ZFHX3: variants seen among roughly 807,000 people sequenced by gnomAD.
The protein encoded by ZFHX3 is zinc finger homeobox protein 3.
A neutral mutation model predicts 279.1 loss-of-function variants in ZFHX3; 42 were observed. That is an observed-to-expected ratio of 0.15 (90% confidence interval 0.12 to 0.19). The LOEUF (loss-of-function observed/expected upper bound fraction) is 0.19. ZFHX3 is among the 10% of genes least tolerant of loss of function. The pLI is 1.00. For synonymous variants in ZFHX3, 2,293 were observed against 1,957.8 expected (o/e 1.17, Z -4.52); for missense variants, 4,981 against 4,754.0 (o/e 1.05, Z -1.40).
chr16:73,867,282 T>A (rs1232556552), intron 1 of ZFHX3, among the ~76,000 whole-genome samples: 1 of 152,122 alleles, frequency 6.6e-6, no homozygotes, highest in Non-Finnish European at 1.5e-5. Context: ...TTTCATGAGC[T>A]CCATCTCACA....
intron 1 of ZFHX3, among the ~76,000 whole-genome samples, chr16:72,972,063 T>C (rs1025045485): frequency 1.3e-5 from 2 of 151,926 alleles, no homozygotes; most frequent in South Asian, 4.2e-4. Flanking sequence ...GGCTAATTTT[T>C]TGTAGTTTTA....
intron 1 of ZFHX3, among the ~76,000 whole-genome samples, chr16:73,883,847 G>C (rs1354471656): frequency 6.6e-6 from 1 of 152,088 alleles, no homozygotes; most frequent in East Asian, 1.9e-4. Flanking sequence ...GTCTCCATAA[G>C]TGAGTAGGAC....
intron 7 of ZFHX3, chr16:72,807,986 TGATTA>T (rs1273828712): frequency 6.6e-6 from 1 of 152,170 alleles, no homozygotes; most frequent in East Asian, 1.9e-4. Flanking sequence ...AATGGAGCCC[TGATTA>T]GAGGGGCATT....
intron 5 of ZFHX3, among the ~76,000 whole-genome samples, chr16:73,187,978 T>C (rs1226221349): frequency 8.6e-5 from 13 of 151,942 alleles, no homozygotes; most frequent in Admixed American, 7.9e-4. Context: ...CCTGCCTTAG[T>C]TTCCCAAGTA....
intron 2 of ZFHX3, among the ~76,000 whole-genome samples, chr16:73,490,781 G>A (rs77426758): frequency 0.017 from 2,648 of 152,264 alleles, 83 homozygotes; most frequent in African/African-American, 0.061. Context: ...ATGCTACAGT[G>A]AGCCCTGATA....
At chr16:72,874,280 C>T (rs981640667) in intron 4 of ZFHX3, among the ~76,000 whole-genome samples, 17 of 145,720 alleles carry the variant, frequency 1.2e-4, no homozygotes, top group African/African-American at 2.1e-4. Context: ...AATCTCGGCT[C>T]GCTGCAAACT....
chr16:73,571,622 G>A (rs1469534141), intron 2 of ZFHX3, among the ~76,000 whole-genome samples: 2 of 139,472 alleles, frequency 1.4e-5, no homozygotes, highest in African/African-American at 2.8e-5. Context: ...ATTTAGGTCA[G>A]TATTAAAATA....
intron 3 of ZFHX3, among the ~76,000 whole-genome samples, chr16:72,932,534 C>T (rs1171820713): frequency 6.6e-6 from 1 of 151,856 alleles, no homozygotes; most frequent in East Asian, 1.9e-4. Flanking sequence ...ATCCAAGCTC[C>T]ACCTCCTTCA....
chr16:73,152,833 A>C (rs1966976892), intron 5 of ZFHX3, among the ~76,000 whole-genome samples: 3 of 142,344 alleles, frequency 2.1e-5, no homozygotes, highest in Admixed American at 7.0e-5. Context: ...GGGGGAAGGG[A>C]GGGGAGTAAT....
intron 5 of ZFHX3, among the ~76,000 whole-genome samples, chr16:73,221,516 C>G (rs2012419699): frequency 6.6e-6 from 1 of 151,996 alleles, no homozygotes; most frequent in African/African-American, 2.4e-5. Flanking sequence ...GTGTACACAG[C>G]TCAGGTAATG....
At chr16:73,413,300 A>G (rs2017506432) in intron 3 of ZFHX3, among the ~76,000 whole-genome samples, 1 of 152,252 alleles carries the variant, frequency 6.6e-6, no homozygotes, top group Non-Finnish European at 1.5e-5. Context: ...AGAAAGTTCA[A>G]AGGAAACTTG....
In ZFHX3 at chr16:72,787,088, T is replaced by C; in HGVS notation, c.*76A>G. On this transcript the variant is annotated 3_prime_UTR_variant, in exon 10 of 10. Coordinates refer to ENST00000268489, the MANE Select transcript of ZFHX3 (RefSeq NM_006885.4). ...TGGTTAGAAGCTTTGGAATTGCAGTTAGTCTATTTTTGAAATTGGTTTGTT... is the reference window on the plus strand; with the variant it reads ...TGGTTAGAAGCTTTGGAATTGCAGTCAGTCTATTTTTGAAATTGGTTTGTT... 7.8e-7 allele frequency: 1 copy of C among 1,289,190 alleles called. No homozygotes were observed. The highest frequency in any genetic ancestry group is 3.0e-5 in the South Asian group (1 of 33,596). 79.9% of individuals were successfully genotyped at this position (1,289,190 alleles called of 1,614,324 possible).
rs141363164 is a variant in ZFHX3, at chr16:72,914,803, CA to C, written c.3217-24842del. 1.9e-3 allele frequency among the ~76,000 whole-genome samples: 290 copies of C among 152,182 alleles called. 1 individual carries two copies. The highest frequency in any genetic ancestry group is 6.8e-3 in the African/African-American group (283 of 41,520). ...GTCAGGACTTTGAGACAAGCTTGGC[CA>C]ATACGGTGAAACCCTGTCTCTACTA... On this transcript the variant is annotated intron_variant, in intron 3 of 9. Coordinates refer to ENST00000268489, the MANE Select transcript of ZFHX3 (RefSeq NM_006885.4).
chr16:72,891,327 A>G (rs2038768884), intron 3 of ZFHX3, among the ~76,000 whole-genome samples: 1 of 152,176 alleles, frequency 6.6e-6, no homozygotes, highest in Admixed American at 6.5e-5. Context: ...GACAGGATTC[A>G]TGTCTGGGGT....
At chr16:73,485,287 G>T (rs1361952866) in intron 2 of ZFHX3, among the ~76,000 whole-genome samples, 1 of 152,100 alleles carries the variant, frequency 6.6e-6, no homozygotes, top group African/African-American at 2.4e-5. Flanking sequence ...TTTCCTTTGT[G>T]TAATGTCCAA....
At chr16:72,881,494 A>G (rs1472226702) in intron 4 of ZFHX3, among the ~76,000 whole-genome samples, 1 of 152,204 alleles carries the variant, frequency 6.6e-6, no homozygotes, top group Non-Finnish European at 1.5e-5. Flanking sequence ...CTGTACGCAG[A>G]GAGATAGATG....
At chr16:73,700,072 A>G (rs2142215774) in intron 1 of ZFHX3, among the ~76,000 whole-genome samples, 1 of 152,166 alleles carries the variant, frequency 6.6e-6, no homozygotes, top group East Asian at 1.9e-4. Flanking sequence ...AAAAGTTAAA[A>G]ATTAGCTAGA....
chr16:73,660,304 C>A (rs1396452456), intron 2 of ZFHX3, among the ~76,000 whole-genome samples: 2 of 152,200 alleles, frequency 1.3e-5, no homozygotes, highest in Non-Finnish European at 2.9e-5. Flanking sequence ...TTAAAGTCAG[C>A]ATTTAACTTT....
chr16:73,847,838 A>C (rs973734806), intron 1 of ZFHX3, among the ~76,000 whole-genome samples: 1 of 150,302 alleles, frequency 6.7e-6, no homozygotes, highest in Admixed American at 6.6e-5. Context: ...CCTGGGTTCA[A>C]GTGATTCTCC....
Sources: gnomAD v4.1 joint callset for allele counts (sites outside exome capture counted in the v4.1 genomes callset) on GRCh38, gnomAD v4.1.1 for gene constraint, MANE v1.5 for transcripts, NCBI Gene and HGNC (gene_info 2026-07-23, HGNC 2026-07-21) for gene names.